LPP: variants seen among roughly 807,000 people sequenced by gnomAD.
LPP encodes lipoma-preferred partner.
Under a neutral mutation model 60.4 loss-of-function variants are expected in LPP, and 38 were observed. That is an observed-to-expected ratio of 0.63 (90% CI 0.49 to 0.83). The LOEUF (loss-of-function observed/expected upper bound fraction) is 0.83. LPP is among the 40% of genes least tolerant of loss of function. The probability of loss-of-function intolerance (pLI) is 0.00; values close to 1 mark genes in which losing one functional copy is unlikely to be tolerated. For synonymous variants in LPP, 328 were observed against 290.8 expected (o/e 1.13, Z -1.30); for missense variants, 902 against 783.6 (o/e 1.15, Z -1.80).
In LPP at chr3:188,876,550, G is replaced by C. The variant is rs1427417692; in HGVS notation, c.*2071G>C. The C allele has an allele frequency of 1.5e-5, 3 of 204,706 alleles. No individual in the cohort carries two copies. Among genetic ancestry groups the C allele is most frequent in the African/African-American group, 6.9e-5 (3 of 43,714 alleles). The allele number at this position is 204,706 out of a possible 1,614,324, so 12.7% of individuals were successfully genotyped here. ...CTGAATTCCTGTCTTCCAAATTGAAGCCAGACCATGCTGATGACCTCAAGT... is the reference window on the plus strand; with the variant it reads ...CTGAATTCCTGTCTTCCAAATTGAACCCAGACCATGCTGATGACCTCAAGT... On this transcript the variant is annotated 3_prime_UTR_variant, in exon 12 of 12. Transcript: ENST00000617246.
chr3:188,709,347 T>G (rs923806608), intron 8 of LPP: 1 of 151,934 alleles, frequency 6.6e-6, no homozygotes, highest in Non-Finnish European at 1.5e-5. Flanking sequence ...AAATTTTATT[T>G]TTATTTTATT....
At chr3:188,620,989 A>G (rs2151552879) in intron 7 of LPP, among the ~76,000 whole-genome samples, 1 of 152,356 alleles carries the variant, frequency 6.6e-6, no homozygotes, top group East Asian at 1.9e-4. Flanking sequence ...CTGAATTGAC[A>G]TGGAACCACA....
intron 2 of LPP, among the ~76,000 whole-genome samples, chr3:188,246,077 T>G (rs949559894): frequency 2.6e-5 from 4 of 152,254 alleles, no homozygotes; most frequent in African/African-American, 4.8e-5. Context: ...GAATATCCCT[T>G]GGATGTCCTA....
At chr3:188,804,283 A>ATATATATATATATATATATAT (rs1553853277) in intron 9 of LPP, among the ~76,000 whole-genome samples, 46 of 126,678 alleles carry the variant, frequency 3.6e-4, no homozygotes, top group South Asian at 7.6e-4. Flanking sequence ...ATATATATAT[A>ATATATATATATATATATATAT]AAATGGAATA....
Position 188,822,976 on chromosome 3 carries a change from C to A in LPP, c.1411-43224C>A, listed in dbSNP as rs183457917. On this transcript the variant is annotated intron_variant, in intron 9 of 11. Coordinates refer to ENST00000617246, the MANE Select transcript of LPP (RefSeq NM_001375462.1). The stretch of plus-strand genomic sequence containing the variant: ...TTTTATTAGGGCAGGTTTTTTTGTG[C>A]AAAAGCCTTGTCATGGGCTAGATGA... 2.0e-4 allele frequency among the ~76,000 whole-genome samples: 31 copies of A among 152,088 alleles called. No homozygotes were observed. The East Asian group carries it at 6.0e-3, about 29-fold the overall frequency.
At chr3:188,562,534 G>A (rs1830979050) in intron 6 of LPP, 1 of 152,020 alleles carries the variant, frequency 6.6e-6, no homozygotes, top group East Asian at 1.9e-4. Context: ...AAACTGCAAT[G>A]AAAGAATTGA....
At chr3:188,437,120 A>G (rs1332653434) in intron 4 of LPP, among the ~76,000 whole-genome samples, 1 of 152,212 alleles carries the variant, frequency 6.6e-6, no homozygotes, top group Non-Finnish European at 1.5e-5. Context: ...TTACCATGGT[A>G]ATAATTAGAA....
At chr3:188,411,217 A>G (rs1784815581) in intron 4 of LPP, among the ~76,000 whole-genome samples, 1 of 152,170 alleles carries the variant, frequency 6.6e-6, no homozygotes, top group South Asian at 2.1e-4. Flanking sequence ...AACCACATTG[A>G]GATACCACCT....
chr3:188,524,607 C>T (rs554176690), intron 5 of LPP, 58 bp from the exon 6 acceptor site: 22 of 1,536,212 alleles, frequency 1.4e-5, no homozygotes, highest in Middle Eastern at 2.0e-4. Flanking sequence ...GAAATTTGAA[C>T]TTATAATGAT....
chr3:188,193,805 T>C (rs1023600068), intron 1 of LPP, among the ~76,000 whole-genome samples: 1 of 152,212 alleles, frequency 6.6e-6, no homozygotes, highest in Admixed American at 6.5e-5. Flanking sequence ...CAGCTGAGTT[T>C]ATCCATTTTT....
chr3:188,889,557 C>T lies in LPP; in HGVS notation c.*15078C>T, dbSNP rs1771036353. 1 of 228,814 alleles carries T rather than the reference C, an allele frequency of 4.4e-6. No homozygotes were observed. Among genetic ancestry groups the T allele is most frequent in the Non-Finnish European group, 8.7e-6 (1 of 115,292 alleles). 14.2% of individuals were successfully genotyped at this position (228,814 alleles called of 1,614,324 possible). ...CACTTAACCTTTATCCAAGGAAGCT[C>T]TTGGTGTCCTCTTGGTCATAAAGTT... On this transcript the variant is annotated 3_prime_UTR_variant, in exon 12 of 12. Transcript: ENST00000617246.
chr3:188,264,924 A>G (rs1734952003), intron 2 of LPP, among the ~76,000 whole-genome samples: 2 of 152,108 alleles, frequency 1.3e-5, no homozygotes, highest in Admixed American at 1.3e-4. Flanking sequence ...ACCTGCAATT[A>G]TTTGTCAGGT....
At chr3:188,782,566 G>C (rs766488766) in intron 9 of LPP, among the ~76,000 whole-genome samples, 1 of 152,092 alleles carries the variant, frequency 6.6e-6, no homozygotes, top group Admixed American at 6.5e-5. Flanking sequence ...AATGCTAACT[G>C]TGACTATAGA....
At chr3:188,284,131 C>T (rs913233198) in intron 2 of LPP, among the ~76,000 whole-genome samples, 9 of 151,988 alleles carry the variant, frequency 5.9e-5, no homozygotes, top group Admixed American at 2.0e-4. Context: ...GTGGCTCACG[C>T]CTGTAATCCC....
At chr3:188,386,033 A>T (rs1481226237) in intron 3 of LPP, among the ~76,000 whole-genome samples, 1 of 152,152 alleles carries the variant, frequency 6.6e-6, no homozygotes, top group Non-Finnish European at 1.5e-5. Flanking sequence ...TCATGATTTG[A>T]ATAATATCAC....
chr3:188,269,566 C>G (rs1047903930), intron 2 of LPP, among the ~76,000 whole-genome samples: 3 of 151,676 alleles, frequency 2.0e-5, no homozygotes, highest in Admixed American at 2.0e-4. Flanking sequence ...AATAAAGCAT[C>G]ACATGAAGAA....
chr3:188,397,727 C>A (rs1781299747), intron 3 of LPP, among the ~76,000 whole-genome samples: 1 of 152,060 alleles, frequency 6.6e-6, no homozygotes. Context: ...GATTCTCCTG[C>A]CTTAGCCTCC....
chr3:188,179,636 A>C (rs4577458), intron 1 of LPP: 148,078 of 379,778 alleles, frequency 0.39, 30,570 homozygotes, highest in Non-Finnish European at 0.44. Flanking sequence ...TCCTGCCAGG[A>C]ATCCAGCCGT....
chr3:188,353,136 A>G (rs981761306), intron 3 of LPP, among the ~76,000 whole-genome samples: 4 of 152,106 alleles, frequency 2.6e-5, no homozygotes, highest in Non-Finnish European at 4.4e-5. Context: ...TATTTTTCCA[A>G]TAGTTTATAT....
Sources: allele counts gnomAD v4.1 joint callset (sites outside exome capture counted in the v4.1 genomes callset), GRCh38; gene constraint gnomAD v4.1.1; transcripts MANE v1.5; gene names NCBI Gene and HGNC (gene_info 2026-07-23, HGNC 2026-07-21).